RASGRF1: variants seen among roughly 807,000 people sequenced by gnomAD.
The protein encoded by RASGRF1 is Ras protein specific guanine nucleotide releasing factor 1, also known as ras-specific guanine nucleotide-releasing factor 1.
Under a neutral mutation model 138.7 loss-of-function variants are expected in RASGRF1, and 40 were observed. The ratio of observed to expected loss-of-function variants is 0.29; its 90% CI spans 0.22 to 0.38. RASGRF1 has a LOEUF of 0.38. Ranked by LOEUF, RASGRF1 falls within the 10% of genes least tolerant of loss-of-function variation. The probability of loss-of-function intolerance (pLI) is 1.00; values close to 1 mark genes in which losing one functional copy is unlikely to be tolerated. For synonymous variants in RASGRF1, 614 were observed against 663.2 expected (o/e 0.93, Z 1.14); for missense variants, 1,108 against 1,650.4 (o/e 0.67, Z 5.69).
In RASGRF1 at chr15:79,018,056, T is replaced by G. The variant is rs564329773; in HGVS notation, c.1607-150A>C. The stretch of plus-strand genomic sequence containing the variant: ...TGCTGCTACTTTCAGAATATTATTT[T>G]CCTAAGTGGGAAATCCCCATTTCAA... On this transcript the variant is annotated intron_variant, in intron 11 of 26. Coordinates refer to ENST00000558480, the MANE Select transcript of RASGRF1 (RefSeq NM_001145648.3). 9.3e-4 allele frequency: 968 copies of G among 1,044,080 alleles called. 15 individuals are homozygous for G. In the South Asian group the frequency reaches 0.015, roughly 17 times the overall value. 64.7% of individuals were successfully genotyped at this position (1,044,080 alleles called of 1,614,324 possible). A position where few individuals can be genotyped will look rare whatever the true frequency, so the allele number is the denominator to read the frequency against.
intron 5 of RASGRF1, among the ~76,000 whole-genome samples, chr15:79,037,302 C>T (rs987173551): frequency 3.3e-5 from 5 of 151,800 alleles, no homozygotes; most frequent in Non-Finnish European, 5.9e-5. Flanking sequence ...CCATATTTGG[C>T]AGCCATCCCC....
At chr15:78,978,880 C>A (rs906558554) in intron 24 of RASGRF1, 2 of 1,224,694 alleles carry the variant, frequency 1.6e-6, no homozygotes, top group East Asian at 1.1e-4. Context: ...CGCAGGCCAC[C>A]TCTGCCCTGT....
chr15:79,042,827 A>C (rs1413386824), intron 5 of RASGRF1, among the ~76,000 whole-genome samples: 1 of 152,170 alleles, frequency 6.6e-6, no homozygotes, highest in African/African-American at 2.4e-5. Context: ...TGGGAAGTAT[A>C]GTCCAGAAGC....
At chr15:79,087,910 G>A (rs573523462) in intron 1 of RASGRF1, among the ~76,000 whole-genome samples, 7 of 152,142 alleles carry the variant, frequency 4.6e-5, no homozygotes, top group Non-Finnish European at 8.8e-5. Context: ...CTTTTAACCC[G>A]GTTCTGTTCT....
chr15:79,055,445 G>T (rs141693278), intron 3 of RASGRF1, among the ~76,000 whole-genome samples: 1 of 152,234 alleles, frequency 6.6e-6, no homozygotes, highest in African/African-American at 2.4e-5. Context: ...AGACACTATG[G>T]CCAGAAAGCT....
chr15:78,964,180 AT>A (rs200489608), intron 26 of RASGRF1, among the ~76,000 whole-genome samples: 44 of 146,774 alleles, frequency 3.0e-4, no homozygotes, highest in Non-Finnish European at 2.7e-4. Flanking sequence ...TTATTTATTT[AT>A]TTTTTTTTTT....
chr15:78,998,188 C>A lies in RASGRF1; in HGVS notation c.2874G>T (p.Glu958Asp). ...KHSQDFETNDELKCKVIGFLE... is the reference protein window; with the variant it reads ...KHSQDFETNDDLKCKVIGFLE... ...GGAAGCCGATCACCTTGCATTTGAGCTCATCGTTGGTCTCAAAGTCCTGCC... is the reference window on the plus strand; with the variant it reads ...GGAAGCCGATCACCTTGCATTTGAGATCATCGTTGGTCTCAAAGTCCTGCC... Residue 958 changes from glutamate (E) to aspartate (D), a missense_variant, in exon 19 of 27, where the codon GAG becomes GAT. By Grantham distance (45) the Glu-to-Asp change is conservative (BLOSUM62 2). Coordinates refer to ENST00000558480, the MANE Select transcript of RASGRF1 (RefSeq NM_001145648.3). 1 of 1,614,198 alleles carries A rather than the reference C, an allele frequency of 6.2e-7. No homozygotes were observed. Among genetic ancestry groups the A allele is most frequent in the East Asian group, 2.2e-5 (1 of 44,878 alleles).
chr15:79,029,446 A>C (rs1373202), intron 8 of RASGRF1, among the ~76,000 whole-genome samples: 77,584 of 151,964 alleles, frequency 0.51, 21,360 homozygotes, highest in South Asian at 0.65. Context: ...GAGCAGCTGC[A>C]GTTTACACAT....
At chr15:79,079,493 G>A (rs1414258902) in intron 1 of RASGRF1, among the ~76,000 whole-genome samples, 1 of 150,484 alleles carries the variant, frequency 6.6e-6, no homozygotes, top group African/African-American at 2.4e-5. Flanking sequence ...TCCACACCAT[G>A]GAATACTATA....
At chr15:79,070,201 TG>T (rs1595962969) in intron 1 of RASGRF1, among the ~76,000 whole-genome samples, 1 of 152,238 alleles carries the variant, frequency 6.6e-6, no homozygotes, top group East Asian at 1.9e-4. Flanking sequence ...GTTGATCTTC[TG>T]GGACTTTGGA....
intron 5 of RASGRF1, among the ~76,000 whole-genome samples, chr15:79,035,990 G>A (rs1405735074): frequency 1.3e-5 from 2 of 152,228 alleles, no homozygotes; most frequent in Non-Finnish European, 2.9e-5. Context: ...CTTAGCGCGG[G>A]CTGGGTACAG....
intron 24 of RASGRF1, chr15:78,978,919 G>C: frequency 1.6e-6 from 2 of 1,266,382 alleles, no homozygotes; most frequent in Non-Finnish European, 2.1e-6. Flanking sequence ...ATGTGGGAGA[G>C]ACACTTACAC....
intron 14 of RASGRF1, chr15:79,005,483 T>C (rs772220209): frequency 5.1e-6 from 5 of 985,154 alleles, no homozygotes; most frequent in Non-Finnish European, 6.0e-6. Flanking sequence ...TCGGAAAAGA[T>C]AATCACCTAC....
At chr15:79,030,225 A>G (rs2068172709) in intron 8 of RASGRF1, among the ~76,000 whole-genome samples, 1 of 152,092 alleles carries the variant, frequency 6.6e-6, no homozygotes, top group Non-Finnish European at 1.5e-5. Context: ...TGCCGGCCTC[A>G]GGAAGACTTT....
chr15:78,977,424 T>G (rs1402189027), intron 24 of RASGRF1, among the ~76,000 whole-genome samples: 2 of 152,008 alleles, frequency 1.3e-5, no homozygotes, highest in East Asian at 3.9e-4. Flanking sequence ...AAGTAGTCTT[T>G]GAAAAACAAA....
chr15:79,077,645 C>A (rs2057853918), intron 1 of RASGRF1, among the ~76,000 whole-genome samples: 1 of 152,158 alleles, frequency 6.6e-6, no homozygotes, highest in Non-Finnish European at 1.5e-5. Context: ...TGGCATCTTG[C>A]ACATTATCTT....
At chr15:79,021,941 C>T (rs1412252682) in intron 10 of RASGRF1, among the ~76,000 whole-genome samples, 3 of 152,298 alleles carry the variant, frequency 2.0e-5, no homozygotes, top group East Asian at 1.9e-4. Flanking sequence ...GAGCACTGAG[C>T]GTGTACCTGA....
chr15:78,966,398 G>T, intron 26 of RASGRF1, among the ~76,000 whole-genome samples: 1 of 151,548 alleles, frequency 6.6e-6, no homozygotes, highest in Admixed American at 6.6e-5. Context: ...CACTACGCCT[G>T]GCTAATGTTT....
chr15:79,053,806 T>C (rs1453023255), intron 3 of RASGRF1, among the ~76,000 whole-genome samples: 1 of 152,230 alleles, frequency 6.6e-6, no homozygotes, highest in African/African-American at 2.4e-5. Flanking sequence ...AGCCCCAGGC[T>C]TACAAGGGCC....
Sources: gnomAD v4.1 joint callset for allele counts (sites outside exome capture counted in the v4.1 genomes callset) on GRCh38, gnomAD v4.1.1 for gene constraint, MANE v1.5 for transcripts, NCBI Gene and HGNC (gene_info 2026-07-23, HGNC 2026-07-21) for gene names.